The following WAC variants were observed in gnomAD, a reference collection of about 807,000 sequenced individuals.
WAC encodes WW domain containing adaptor with coiled-coil.
A neutral mutation model predicts 79.6 loss-of-function variants in WAC; 11 were observed. The ratio of observed to expected loss-of-function variants is 0.14; its 90% confidence interval spans 0.09 to 0.23. The LOEUF is 0.23. WAC is among the 10% of genes least tolerant of loss of function. WAC has a pLI of 1.00. For synonymous variants in WAC, 304 were observed against 276.9 expected, an observed-to-expected ratio of 1.10 and a Z score of -0.97; for missense variants, 728 against 773.5, an observed-to-expected ratio of 0.94 and a Z score of 0.70.
chr10:28,533,957 C>A, intron 1 of WAC, 41 bp from the exon 2 acceptor site: 3 of 1,603,546 alleles, frequency 1.9e-6, no homozygotes, highest in South Asian at 1.1e-5. Context: ...CCCCCACCCG[C>A]GCCGTGTCTT....
intron 7 of WAC, among the ~76,000 whole-genome samples, chr10:28,603,983 ATATATG>A (rs200717213): frequency 0.11 from 4,544 of 41,536 alleles, 305 homozygotes; most frequent in Middle Eastern, 0.2. Flanking sequence ...ATATATATAT[ATATATG>A]TATATATATA....
chr10:28,596,002 C>G lies in WAC; in HGVS notation c.880C>G (p.Pro294Ala). ...ATCTACTTTATCAAAACTGCCTACACCCACATCTTCTGTCCCTGCACAGAA... is the reference window on the plus strand; with the variant it reads ...ATCTACTTTATCAAAACTGCCTACAGCCACATCTTCTGTCCCTGCACAGAA... ...GASTLSKLPTPTSSVPAQKTE... is the reference protein window; with the variant it reads ...GASTLSKLPTATSSVPAQKTE... The change falls in exon 7 of 14, where the codon CCC becomes GCC. Residue 294 changes from proline (P) to alanine (A), a missense_variant. Physicochemically the swap from Pro to Ala is conservative, Grantham distance 27. Transcript: ENST00000354911. 2 of 1,614,000 alleles carry G rather than the reference C, an allele frequency of 1.2e-6. No homozygotes were observed. The highest frequency in any genetic ancestry group is 1.7e-5 in the Admixed American group (1 of 59,998).
intron 6 of WAC, among the ~76,000 whole-genome samples, chr10:28,592,758 A>G (rs1386028680): frequency 1.3e-5 from 2 of 152,242 alleles, no homozygotes; most frequent in Non-Finnish European, 2.9e-5. Flanking sequence ...TGACCCTGGA[A>G]CATTTTGGAA....
At chr10:28,544,791 C>T (rs1260088664) in intron 3 of WAC, among the ~76,000 whole-genome samples, 2 of 151,996 alleles carry the variant, frequency 1.3e-5, no homozygotes, top group Admixed American at 6.6e-5. Flanking sequence ...CGGCCAGGCG[C>T]GGTGGCTCAC....
At chr10:28,616,872 A>G (rs1009892045) in intron 12 of WAC, among the ~76,000 whole-genome samples, 1 of 152,248 alleles carries the variant, frequency 6.6e-6, no homozygotes, top group Non-Finnish European at 1.5e-5. Context: ...GAGGCCAGCC[A>G]GGAGTTCGAG....
rs140249641 is a variant in WAC at position 28,608,412 on chromosome 10, C to T, written c.1146C>T (p.Asp382=). The T allele has an allele frequency of 1.9e-6, 3 of 1,601,712 alleles. No homozygotes were observed. The highest frequency in any genetic ancestry group is 2.6e-6 in the Non-Finnish European group (3 of 1,173,360). Residue 382 remains aspartate (D), a synonymous_variant, in exon 8 of 14, where the codon GAC becomes GAT. Transcript: ENST00000354911. The part of the protein sequence containing the change: ...ATLQLNNSNV[D]ISKINEVLTA... The stretch of plus-strand genomic sequence containing the variant: ...TGCAGCTTAATAATTCTAATGTGGA[C>T]ATATCTAAAATAAATGAAGGTAAAT...
intron 3 of WAC, among the ~76,000 whole-genome samples, chr10:28,552,879 G>A (rs1015875311): frequency 1.7e-5 from 2 of 119,436 alleles, no homozygotes; most frequent in Admixed American, 2.0e-4. Flanking sequence ...GTCTTCTTGG[G>A]TAAAGAACAA....
intron 3 of WAC, among the ~76,000 whole-genome samples, chr10:28,537,858 G>A (rs1378015045): frequency 1.3e-5 from 2 of 152,006 alleles, no homozygotes; most frequent in Non-Finnish European, 2.9e-5. Flanking sequence ...CATCTTTCCT[G>A]ATGTTTCTTT....
chr10:28,622,640 C>CTAAT lies in WAC; in HGVS notation c.*3034_*3035insTAAT, dbSNP rs1841734189. ...AACATGCTTCAGCCCTGTTTCAAGA[C>CTAAT]ATTATGCTTCTTTTAACAGTCCAAA... On this transcript the variant is annotated 3_prime_UTR_variant, in exon 14 of 14. Transcript: ENST00000354911. 6.6e-6 allele frequency: 1 copy of CTAAT among 152,080 alleles called. No individual in the cohort carries two copies. The highest frequency in any genetic ancestry group is 2.4e-5 in the African/African-American group (1 of 41,424). The allele number at this position is 152,080 out of a possible 1,614,324, so 9.4% of individuals were successfully genotyped here. A position where few individuals can be genotyped will look rare whatever the true frequency, so the allele number is the denominator to read the frequency against.
chr10:28,580,801 G>A (rs961937308), intron 3 of WAC, among the ~76,000 whole-genome samples: 1 of 152,126 alleles, frequency 6.6e-6, no homozygotes, highest in Admixed American at 6.5e-5. Context: ...TTTAAAACTT[G>A]AAGTATTAAT....
chr10:28,538,804 C>T (rs1383497925), intron 3 of WAC, among the ~76,000 whole-genome samples: 7 of 140,280 alleles, frequency 5.0e-5, no homozygotes, highest in Non-Finnish European at 1.1e-4. Flanking sequence ...TTGAGGTTAA[C>T]AGTGAGCTGT....
chr10:28,611,144 T>C, intron 9 of WAC: 1 of 727,862 alleles, frequency 1.4e-6, no homozygotes, highest in East Asian at 5.7e-5. Context: ...ATGTGCCATA[T>C]ATCTTTGTGA....
intron 3 of WAC, among the ~76,000 whole-genome samples, chr10:28,576,295 T>C (rs1839241384): frequency 6.6e-6 from 1 of 152,200 alleles, no homozygotes; most frequent in Non-Finnish European, 1.5e-5. Context: ...GCCATATATA[T>C]ATATTTAAGA....
intron 7 of WAC, among the ~76,000 whole-genome samples, chr10:28,603,947 ATATATGTATGTATGT>A (rs1351952010): frequency 0.31 from 8,075 of 26,448 alleles, 1,376 homozygotes; most frequent in East Asian, 0.43. Flanking sequence ...AAAAAAATAT[ATATATGTATGTATGT>A]ATATATATAT....
chr10:28,598,766 G>A (rs1375666568), intron 7 of WAC, among the ~76,000 whole-genome samples: 3 of 152,158 alleles, frequency 2.0e-5, no homozygotes, highest in East Asian at 1.9e-4. Context: ...TCGGACGCTC[G>A]TAATGTAAAA....
intron 3 of WAC, among the ~76,000 whole-genome samples, chr10:28,537,097 T>C (rs370155299): frequency 2.6e-5 from 4 of 152,212 alleles, no homozygotes; most frequent in African/African-American, 9.6e-5. Flanking sequence ...AGTCAGAAGA[T>C]TGCACTGGGA....
At chr10:28,573,925 T>A (rs984850266) in intron 3 of WAC, among the ~76,000 whole-genome samples, 1 of 152,062 alleles carries the variant, frequency 6.6e-6, no homozygotes, top group African/African-American at 2.4e-5. Context: ...CAGGTTTGTC[T>A]ATTCTTAATG....
chr10:28,616,999 C>T (rs924960600), intron 12 of WAC, among the ~76,000 whole-genome samples: 4 of 152,160 alleles, frequency 2.6e-5, no homozygotes, highest in African/African-American at 4.8e-5. Flanking sequence ...ACCAGAATTA[C>T]GTGAACCCAG....
intron 7 of WAC, among the ~76,000 whole-genome samples, chr10:28,604,433 A>G (rs1222702837): frequency 6.6e-6 from 1 of 151,990 alleles, no homozygotes; most frequent in Non-Finnish European, 1.5e-5. Context: ...CAAGGGCTAC[A>G]GAGAAAAGTA....
Sources: allele counts gnomAD v4.1 joint callset (sites outside exome capture counted in the v4.1 genomes callset), GRCh38; gene constraint gnomAD v4.1.1; transcripts MANE v1.5; gene names NCBI Gene and HGNC (gene_info 2026-07-23, HGNC 2026-07-21).